GOLGA8B: variants seen among roughly 807,000 people sequenced by gnomAD.
GOLGA8B encodes the protein golgin A8 family member B.
In GOLGA8B, 1 loss-of-function variant was observed where a neutral mutation model predicts 15.6. The observed-to-expected ratio is 0.06, with a 90% confidence interval of 0.02 to 0.30. The LOEUF is 0.30. GOLGA8B is among the 10% of genes least tolerant of loss of function. The probability of loss-of-function intolerance (pLI) is 1.00; values close to 1 mark genes in which losing one functional copy is unlikely to be tolerated. For missense variants in GOLGA8B, 17 were observed against 201.3 expected (o/e 0.08, Z 5.54); for synonymous variants, 9 against 80.3 (o/e 0.11, Z 4.75).
chr15:34,582,880 GCCCCTTC>G (rs1889280790), intron 1 of GOLGA8B: 1 of 152,204 alleles, frequency 6.6e-6, no homozygotes, highest in South Asian at 2.1e-4. Context: ...AAGGGGCCCT[GCCCCTTC>G]CGGGGCAGGT....
At chr15:34,578,043 G>A (rs1889130213) in intron 1 of GOLGA8B, among the ~76,000 whole-genome samples, 3 of 152,160 alleles carry the variant, frequency 2.0e-5, no homozygotes, top group Non-Finnish European at 2.9e-5. Context: ...AATGTCATGT[G>A]ATGCATGACA....
intron 1 of GOLGA8B, chr15:34,574,929 G>A (rs189916925): frequency 6.6e-6 from 1 of 152,178 alleles, no homozygotes; most frequent in Non-Finnish European, 1.5e-5. Context: ...AAGGGGAAGA[G>A]GGCCCAAGCT....
intron 1 of GOLGA8B, among the ~76,000 whole-genome samples, chr15:34,571,991 A>C (rs947335667): frequency 1.3e-5 from 2 of 152,374 alleles, no homozygotes; most frequent in Non-Finnish European, 2.9e-5. Flanking sequence ...AATCAAGAGA[A>C]AAACAGGCAA....
intron 1 of GOLGA8B, among the ~76,000 whole-genome samples, chr15:34,564,337 G>T (rs1595706801): frequency 9.1e-6 from 1 of 109,310 alleles, no homozygotes. Context: ...TCAGTTAGTT[G>T]TAGTAACTGT....
At chr15:34,554,380 C>T (rs1278108596) in intron 1 of GOLGA8B, among the ~76,000 whole-genome samples, 1 of 151,784 alleles carries the variant, frequency 6.6e-6, no homozygotes, top group Non-Finnish European at 1.5e-5. Flanking sequence ...CACACACATA[C>T]CATGCCCACC....
At chr15:34,579,679 G>A (rs1889177146) in intron 1 of GOLGA8B, among the ~76,000 whole-genome samples, 1 of 152,164 alleles carries the variant, frequency 6.6e-6, no homozygotes, top group African/African-American at 2.4e-5. Flanking sequence ...CTACATTCTA[G>A]GAGGATCCAA....
At position 34,543,418 on chromosome 15, in the gene GOLGA8B, G is replaced by C. The variant is rs557848305; in HGVS notation, c.-382+1440C>G. 1.3e-4 allele frequency among the ~76,000 whole-genome samples: 19 copies of C among 141,406 alleles called. No homozygotes were observed. The South Asian group carries it at 4.4e-3, about 33-fold the overall frequency. 92.8% of individuals were successfully genotyped at this position (141,406 alleles called of 152,430 possible). A position where few individuals can be genotyped will look rare whatever the true frequency, so the allele number is the denominator to read the frequency against. On this transcript the variant is annotated intron_variant, in intron 7 of 23. Transcript: ENST00000683415. ...AACGAGTTCTCACCATGCTGCCCAGGCTTGTCTCCAACTCCTGGGCTTATG... is the reference window on the plus strand; with the variant it reads ...AACGAGTTCTCACCATGCTGCCCAGCCTTGTCTCCAACTCCTGGGCTTATG...
intron 1 of GOLGA8B, chr15:34,582,916 C>G (rs1424861072): frequency 1.3e-5 from 2 of 152,224 alleles, no homozygotes; most frequent in African/African-American, 4.8e-5. Context: ...GGGGCAGGTC[C>G]GCGGCGTGCC....
intron 1 of GOLGA8B, among the ~76,000 whole-genome samples, chr15:34,582,578 G>A (rs187939232): frequency 2.0e-5 from 3 of 152,182 alleles, no homozygotes; most frequent in Non-Finnish European, 4.4e-5. Context: ...TATCTCAAGA[G>A]ATCTGAAAAA....
intron 1 of GOLGA8B, among the ~76,000 whole-genome samples, chr15:34,575,370 C>T (rs1287508377): frequency 2.0e-5 from 3 of 151,510 alleles, no homozygotes; most frequent in African/African-American, 7.3e-5. Context: ...CACCCCTGAC[C>T]GCGTCTTCCT....
intron 1 of GOLGA8B, among the ~76,000 whole-genome samples, chr15:34,583,201 G>A (rs1404229662): frequency 6.6e-6 from 1 of 151,984 alleles, no homozygotes; most frequent in East Asian, 1.9e-4. Flanking sequence ...AGCGCCACTT[G>A]CCCGCGCCGA....
At chr15:34,577,762 C>T (rs1355899130) in intron 1 of GOLGA8B, among the ~76,000 whole-genome samples, 1 of 152,132 alleles carries the variant, frequency 6.6e-6, no homozygotes, top group East Asian at 1.9e-4. Flanking sequence ...AGAAAAGGCA[C>T]AAAGTTAAAA....
At chr15:34,575,830 C>G (rs1167523550) in intron 1 of GOLGA8B, among the ~76,000 whole-genome samples, 1 of 152,222 alleles carries the variant, frequency 6.6e-6, no homozygotes, top group Admixed American at 6.5e-5. Flanking sequence ...CTCCAGCAAC[C>G]CCTTCCATGC....
chr15:34,572,946 AT>A (rs111302808), intron 1 of GOLGA8B, among the ~76,000 whole-genome samples: 1 of 152,124 alleles, frequency 6.6e-6, no homozygotes, highest in African/African-American at 2.4e-5. Context: ...AGAAGGCAAA[AT>A]TTTTTAAAAC....
At chr15:34,565,341 G>A (rs1888731795) in intron 1 of GOLGA8B, among the ~76,000 whole-genome samples, 2 of 130,008 alleles carry the variant, frequency 1.5e-5, no homozygotes, top group Admixed American at 7.6e-5. Flanking sequence ...CCCCATGTTG[G>A]CCAGGCTGGT....
chr15:34,572,560 T>C (rs527371925), intron 1 of GOLGA8B, among the ~76,000 whole-genome samples: 1 of 152,302 alleles, frequency 6.6e-6, no homozygotes, highest in East Asian at 1.9e-4. Flanking sequence ...TGTTGAAAAA[T>C]ACTTTTAAAA....
intron 4 of GOLGA8B, among the ~76,000 whole-genome samples, chr15:34,549,249 T>A (rs1192808012): frequency 5.1e-5 from 5 of 98,836 alleles, no homozygotes; most frequent in Admixed American, 1.2e-4. Context: ...TGAAGCATTA[T>A]GAAGTTTCAA....
intron 1 of GOLGA8B, among the ~76,000 whole-genome samples, chr15:34,563,695 T>C (rs1242813874): frequency 2.0e-5 from 3 of 151,974 alleles, no homozygotes; most frequent in Non-Finnish European, 4.4e-5. Flanking sequence ...ACCTGCAACC[T>C]GTGTTTTTCA....
At chr15:34,565,926 T>C (rs1339208203) in intron 1 of GOLGA8B, 1 of 51,790 alleles carries the variant, frequency 1.9e-5, no homozygotes, top group African/African-American at 6.7e-5. Flanking sequence ...CTCTTTCTAC[T>C]ATGTGAGATA....
Sources: gnomAD v4.1 joint callset for allele counts (sites outside exome capture counted in the v4.1 genomes callset) on GRCh38, gnomAD v4.1.1 for gene constraint, MANE v1.5 for transcripts, NCBI Gene and HGNC (gene_info 2026-07-23, HGNC 2026-07-21) for gene names.